SV2C: variants seen among roughly 807,000 people sequenced by gnomAD.
SV2C encodes synaptic vesicle glycoprotein 2C, also known as solute carrier family 22 member B3.
Under a neutral mutation model 79.7 loss-of-function variants are expected in SV2C, and 49 were observed. The ratio of observed to expected loss-of-function variants is 0.61; its 90% CI spans 0.49 to 0.78. The LOEUF (loss-of-function observed/expected upper bound fraction) is 0.78, where lower values mean the gene tolerates loss of function less well. SV2C is among the 30% of genes least tolerant of loss of function. The probability of loss-of-function intolerance (pLI) is 0.00; values close to 1 mark genes in which losing one functional copy is unlikely to be tolerated. For missense variants in SV2C, 833 were observed against 912.9 expected, an observed-to-expected ratio of 0.91 and a Z score of 1.13; for synonymous variants, 334 against 333.2, an observed-to-expected ratio of 1.00 and a Z score of -0.03.
the SV2C span, among the ~76,000 whole-genome samples, chr5:76,039,498 G>A: frequency 2.6e-5 from 4 of 152,168 alleles, no homozygotes; most frequent in Non-Finnish European, 1.5e-5. Context: ...GCTTACGCCT[G>A]TAATCCCAGC....
At position 76,131,280 on chromosome 5, in the gene SV2C, A is replaced by G. The variant is rs553013985; in HGVS notation, c.-101-370A>G. ...TTTGTACGTGTCTGTGAGCAATACT[A>G]TTTTTCTCAATCAAGGTATATGCTT... On this transcript the variant is annotated intron_variant, in intron 1 of 12. Coordinates refer to ENST00000502798, the MANE Select transcript of SV2C (RefSeq NM_014979.4). Among the ~76,000 whole-genome samples the G allele has an allele frequency of 8.0e-4, 122 of 152,116 alleles. 1 individual carries two copies. The highest frequency in any genetic ancestry group is 2.9e-3 in the African/African-American group (119 of 41,486).
chr5:76,250,668 G>T (rs1746084375), intron 4 of SV2C, among the ~76,000 whole-genome samples: 1 of 152,224 alleles, frequency 6.6e-6, no homozygotes, highest in Non-Finnish European at 1.5e-5. Flanking sequence ...TCTGAGAAGG[G>T]TCTCCGCTCC....
the SV2C span, among the ~76,000 whole-genome samples, chr5:75,902,354 A>G: frequency 4.6e-5 from 7 of 152,168 alleles, no homozygotes; most frequent in Non-Finnish European, 7.3e-5. Context: ...TGTGCAAGAA[A>G]TTCAGGCTAC....
At chr5:76,030,275 T>TA in the SV2C span, among the ~76,000 whole-genome samples, 2 of 110,832 alleles carry the variant, frequency 1.8e-5, no homozygotes, top group African/African-American at 8.2e-5. Flanking sequence ...TGTTTTTTTT[T>TA]TTTTTTTTTT....
At chr5:76,085,978 C>A (rs28621) in intron 1 of SV2C, among the ~76,000 whole-genome samples, 80,254 of 151,710 alleles carry the variant, frequency 0.53, 21,881 homozygotes, top group East Asian at 0.72. Context: ...ATATGTAATC[C>A]AATGCCATTA....
At chr5:75,945,866 G>C in the SV2C span, among the ~76,000 whole-genome samples, 1 of 152,042 alleles carries the variant, frequency 6.6e-6, no homozygotes, top group African/African-American at 2.4e-5. Context: ...AAATTAGAGT[G>C]TATTTTGAAT....
chr5:76,044,921 TA>T, the SV2C span, among the ~76,000 whole-genome samples: 1 of 152,232 alleles, frequency 6.6e-6, no homozygotes, highest in Non-Finnish European at 1.5e-5. Context: ...TTAGTTTAAT[TA>T]GATCCCATTT....
intron 2 of SV2C, among the ~76,000 whole-genome samples, chr5:76,160,034 TA>T (rs988040857): frequency 4.6e-5 from 7 of 151,596 alleles, no homozygotes; most frequent in African/African-American, 1.5e-4. Context: ...TTCAAAAACT[TA>T]AAAAAAATTG....
intron 10 of SV2C, among the ~76,000 whole-genome samples, chr5:76,299,274 A>C (rs2112520603): frequency 6.6e-6 from 1 of 152,340 alleles, no homozygotes; most frequent in South Asian, 2.1e-4. Context: ...TCTATAGCCA[A>C]CAGAGATAGA....
chr5:76,285,717 T>C (rs1423465861), intron 5 of SV2C, 64 bp from the exon 6 acceptor site: 3 of 1,389,568 alleles, frequency 2.2e-6, no homozygotes, highest in Non-Finnish European at 3.0e-6. Flanking sequence ...AAGACGGCTA[T>C]TGGAAAATCA....
chr5:76,220,807 C>T (rs576510740), intron 4 of SV2C, among the ~76,000 whole-genome samples: 28 of 152,210 alleles, frequency 1.8e-4, no homozygotes, highest in African/African-American at 6.5e-4. Flanking sequence ...CTCCTCCATT[C>T]GTAGCATGTT....
chr5:76,041,424 C>T, the SV2C span, among the ~76,000 whole-genome samples: 2 of 152,140 alleles, frequency 1.3e-5, no homozygotes, highest in African/African-American at 4.8e-5. Context: ...AGCTAGAAAG[C>T]TACCCCTTAG....
intron 3 of SV2C, among the ~76,000 whole-genome samples, chr5:76,205,169 A>ATG (rs1025329316): frequency 6.9e-6 from 1 of 145,266 alleles, no homozygotes; most frequent in African/African-American, 2.6e-5. Context: ...GTGTGTGTGT[A>ATG]TGTGTGTGTG....
chr5:75,861,633 G>A, the SV2C span, among the ~76,000 whole-genome samples: 1 of 146,466 alleles, frequency 6.8e-6, no homozygotes, highest in East Asian at 1.9e-4. Flanking sequence ...CATGGACACA[G>A]CCATGAAAAG....
chr5:76,197,861 C>T (rs946466104), intron 3 of SV2C, among the ~76,000 whole-genome samples: 10 of 152,114 alleles, frequency 6.6e-5, no homozygotes, highest in African/African-American at 2.2e-4. Flanking sequence ...GTTTGAAGGC[C>T]TCAGAACCAG....
chr5:76,208,709 C>CA (rs1365863660), intron 3 of SV2C, among the ~76,000 whole-genome samples: 2 of 152,182 alleles, frequency 1.3e-5, no homozygotes. Flanking sequence ...GAAATCTGAA[C>CA]AAAAATGAAT....
intron 4 of SV2C, among the ~76,000 whole-genome samples, chr5:76,281,961 A>T (rs1006563383): frequency 1.3e-5 from 2 of 152,258 alleles, no homozygotes; most frequent in African/African-American, 2.4e-5. Flanking sequence ...GATTAGGATG[A>T]GGACATCTTT....
At chr5:76,260,661 G>A (rs1446681045) in intron 4 of SV2C, among the ~76,000 whole-genome samples, 1 of 152,152 alleles carries the variant, frequency 6.6e-6, no homozygotes, top group East Asian at 1.9e-4. Context: ...TTCTTTATAT[G>A]GCTAGCCAGT....
intron 1 of SV2C, among the ~76,000 whole-genome samples, chr5:76,110,659 G>A (rs1318103339): frequency 6.6e-6 from 1 of 152,256 alleles, no homozygotes; most frequent in Admixed American, 6.5e-5. Context: ...TCTGGGCACA[G>A]GAGCCAGCCT....
Sources: gnomAD v4.1 joint callset for allele counts (sites outside exome capture counted in the v4.1 genomes callset) on GRCh38, gnomAD v4.1.1 for gene constraint, MANE v1.5 for transcripts, NCBI Gene and HGNC (gene_info 2026-07-23, HGNC 2026-07-21) for gene names.